The following AUTS2 variants were observed in gnomAD, a reference collection of about 807,000 sequenced individuals.
The protein encoded by AUTS2 is autism susceptibility gene 2 protein.
AUTS2 carries 17 observed loss-of-function variants against 112.4 expected under a neutral mutation model. The ratio of observed to expected loss-of-function variants is 0.15; its 90% CI spans 0.10 to 0.23. The LOEUF (loss-of-function observed/expected upper bound fraction) is 0.23. Ranked by LOEUF, AUTS2 falls within the 10% of genes least tolerant of loss-of-function variation. The pLI is 1.00. For synonymous variants in AUTS2, 751 were observed against 702.7 expected (o/e 1.07, Z -1.09); for missense variants, 1,510 against 1,701.6 (o/e 0.89, Z 1.98).
intron 2 of AUTS2, among the ~76,000 whole-genome samples, chr7:69,945,252 G>A (rs1208943292): frequency 1.3e-5 from 2 of 151,966 alleles, no homozygotes; most frequent in Non-Finnish European, 2.9e-5. Flanking sequence ...ACCCAAAAGG[G>A]CCATTTCCTC....
At chr7:70,449,191 C>G (rs6970937) in intron 5 of AUTS2, among the ~76,000 whole-genome samples, 20,746 of 152,262 alleles carry the variant, frequency 0.14, 1,453 homozygotes, top group Middle Eastern at 0.17. Context: ...TGCTTTGTCT[C>G]TACTTATTTT....
intron 5 of AUTS2, among the ~76,000 whole-genome samples, chr7:70,446,794 C>G (rs1366341288): frequency 6.6e-6 from 1 of 152,150 alleles, no homozygotes; most frequent in Non-Finnish European, 1.5e-5. Context: ...ACTTCCTGCT[C>G]AGAGGTGCTG....
intron 4 of AUTS2, among the ~76,000 whole-genome samples, chr7:70,402,094 C>T (rs1421920979): frequency 6.6e-6 from 1 of 152,214 alleles, no homozygotes; most frequent in Non-Finnish European, 1.5e-5. Context: ...AGACATGCTG[C>T]CTGTATTTTG....
In AUTS2 at chr7:70,791,130, A is replaced by G. The variant is rs554517206; in HGVS notation, c.*134A>G. 7 of 875,290 alleles carry G rather than the reference A, an allele frequency of 8.0e-6. No individual in the cohort carries two copies. The highest frequency in any genetic ancestry group is 4.1e-5 in the South Asian group (1 of 24,596). The allele number at this position is 875,290 out of a possible 1,614,324, so 54.2% of individuals were successfully genotyped here. ...CACCCCTTCCCCTTGTAAAAAATGT[A>G]TAGACTCAGTGCACATTTTGAAATG... On this transcript the variant is annotated 3_prime_UTR_variant, in exon 19 of 19. Transcript: ENST00000342771.
chr7:70,112,859 A>G (rs1805154729), intron 2 of AUTS2, among the ~76,000 whole-genome samples: 1 of 151,952 alleles, frequency 6.6e-6, no homozygotes, highest in Non-Finnish European at 1.5e-5. Flanking sequence ...AGCTTAATGT[A>G]TTTATATTAT....
At chr7:70,711,044 G>T (rs995469499) in intron 6 of AUTS2, among the ~76,000 whole-genome samples, 1 of 152,168 alleles carries the variant, frequency 6.6e-6, no homozygotes, top group Non-Finnish European at 1.5e-5. Flanking sequence ...CCATTTCCCC[G>T]CTGGTCTTGC....
At chr7:70,489,479 C>CCATT (rs1435547533) in intron 5 of AUTS2, among the ~76,000 whole-genome samples, 1 of 152,178 alleles carries the variant, frequency 6.6e-6, no homozygotes, top group Non-Finnish European at 1.5e-5. Flanking sequence ...AGTAAACCCC[C>CCATT]CCAGAATGTG....
chr7:70,545,383 G>A (rs940096927), intron 5 of AUTS2, among the ~76,000 whole-genome samples: 2 of 152,232 alleles, frequency 1.3e-5, no homozygotes, highest in Non-Finnish European at 2.9e-5. Context: ...TGCTGTTCCA[G>A]TTCACTGAGT....
At chr7:70,555,529 C>A (rs1301115613) in intron 5 of AUTS2, among the ~76,000 whole-genome samples, 1 of 152,108 alleles carries the variant, frequency 6.6e-6, no homozygotes, top group Non-Finnish European at 1.5e-5. Flanking sequence ...CCCTCATATT[C>A]TTGGACCCTG....
At chr7:69,650,979 C>T (rs1445800625) in intron 1 of AUTS2, among the ~76,000 whole-genome samples, 1 of 152,200 alleles carries the variant, frequency 6.6e-6, no homozygotes, top group African/African-American at 2.4e-5. Context: ...ATATTCCCTG[C>T]CCTTAGCTGA....
At chr7:70,598,343 G>A (rs1391177456) in intron 5 of AUTS2, among the ~76,000 whole-genome samples, 1 of 152,148 alleles carries the variant, frequency 6.6e-6, no homozygotes, top group Non-Finnish European at 1.5e-5. Flanking sequence ...TTTTCTGTTT[G>A]TATTCTGCCC....
rs115826574 is a variant in AUTS2, at chr7:69,750,511, G to A, written c.310-148775G>A. On this transcript the variant is annotated intron_variant, in intron 1 of 18. Coordinates refer to ENST00000342771, the MANE Select transcript of AUTS2 (RefSeq NM_015570.4). Reference sequence around the variant, plus strand: ...AGTAGTAGTAGTAGTAGCAGTAGTAGTAGTAGTTTTCAGAGAGAGGGTCTC... The same window carrying A: ...AGTAGTAGTAGTAGTAGCAGTAGTAATAGTAGTTTTCAGAGAGAGGGTCTC... Among the ~76,000 whole-genome samples, 1,328 of 151,024 alleles carry A rather than the reference G, an allele frequency of 8.8e-3. 23 individuals are homozygous for A. The highest frequency in any genetic ancestry group is 0.031 in the African/African-American group (1,264 of 41,222).
In AUTS2 at chr7:69,967,787, T is replaced by G. The variant is rs187987076; in HGVS notation, c.522+68289T>G. 8.8e-4 allele frequency among the ~76,000 whole-genome samples: 134 copies of G among 152,312 alleles called. 1 individual carries two copies. Among genetic ancestry groups the G allele is most frequent in the African/African-American group, 3.0e-3 (126 of 41,572 alleles). On this transcript the variant is annotated intron_variant, in intron 2 of 18. Coordinates refer to ENST00000342771, the MANE Select transcript of AUTS2 (RefSeq NM_015570.4). ...CAAGTCAAGCTGGTTCTATGTTAAGTTCAAGTATGCAGAGAAGGTAAGTCA... is the reference window on the plus strand; with the variant it reads ...CAAGTCAAGCTGGTTCTATGTTAAGGTCAAGTATGCAGAGAAGGTAAGTCA...
At chr7:70,415,736 G>T (rs1794962032) in intron 4 of AUTS2, among the ~76,000 whole-genome samples, 1 of 152,182 alleles carries the variant, frequency 6.6e-6, no homozygotes, top group Non-Finnish European at 1.5e-5. Context: ...TATTGTGGCT[G>T]TCTCAGAGTT....
chr7:70,327,481 A>G (rs935159027), intron 4 of AUTS2, among the ~76,000 whole-genome samples: 2 of 152,228 alleles, frequency 1.3e-5, no homozygotes, highest in Non-Finnish European at 2.9e-5. Flanking sequence ...TATTCTTCCA[A>G]AGAAATTTGC....
intron 4 of AUTS2, among the ~76,000 whole-genome samples, chr7:70,391,858 T>C (rs1793877037): frequency 6.6e-6 from 1 of 152,120 alleles, no homozygotes; most frequent in Admixed American, 6.5e-5. Context: ...GGGGAGTTTG[T>C]TGGACCCCAG....
intron 4 of AUTS2, among the ~76,000 whole-genome samples, chr7:70,429,187 C>G (rs541996186): frequency 6.6e-6 from 1 of 152,340 alleles, no homozygotes; most frequent in African/African-American, 2.4e-5. Flanking sequence ...TGCATGGAAT[C>G]AACCACAGTT....
chr7:69,828,012 C>T (rs940289621), intron 1 of AUTS2, among the ~76,000 whole-genome samples: 3 of 152,216 alleles, frequency 2.0e-5, no homozygotes, highest in African/African-American at 4.8e-5. Flanking sequence ...ACCAGCATTC[C>T]GTGAGGACTT....
rs545022866 is a variant in AUTS2 at position 70,411,920 on chromosome 7, C to CTT, written c.661-23817_661-23816dup. On this transcript the variant is annotated intron_variant, in intron 4 of 18. Transcript: ENST00000342771. ...TCTTTCCTTTTTTTTTTCCTTTTTTCTTTTTTTTTTTTTTTTGAGACAGTC... is the reference window on the plus strand; with the variant it reads ...TCTTTCCTTTTTTTTTTCCTTTTTTCTTTTTTTTTTTTTTTTTTGAGACAGTC... 1.2e-3 allele frequency among the ~76,000 whole-genome samples: 162 copies of CTT among 130,864 alleles called. 1 individual carries two copies. Among genetic ancestry groups the CTT allele is most frequent in the East Asian group, 1.3e-3 (6 of 4,490 alleles). 85.9% of individuals were successfully genotyped at this position (130,864 alleles called of 152,430 possible).
Sources: allele counts gnomAD v4.1 joint callset (sites outside exome capture counted in the v4.1 genomes callset), GRCh38; gene constraint gnomAD v4.1.1; transcripts MANE v1.5; gene names NCBI Gene and HGNC (gene_info 2026-07-23, HGNC 2026-07-21).